GLRA3: variants seen among roughly 807,000 people sequenced by gnomAD.
GLRA3 encodes the protein glycine receptor alpha 3, also known as glycine receptor subunit alpha-3.
A neutral mutation model predicts 60.4 loss-of-function variants in GLRA3; 44 were observed. The ratio of observed to expected loss-of-function variants is 0.73; its 90% CI spans 0.57 to 0.94. The LOEUF is 0.94. Among genes scored for constraint, GLRA3 ranks in the 40% least tolerant of loss-of-function variants. The pLI, the probability that GLRA3 is intolerant of heterozygous loss-of-function variation, is 0.00. For synonymous variants in GLRA3, 223 were observed against 192.9 expected (o/e 1.16, Z -1.29); for missense variants, 508 against 564.6 (o/e 0.90, Z 1.02).
intron 3 of GLRA3, among the ~76,000 whole-genome samples, chr4:174,752,918 G>T (rs910379588): frequency 6.6e-6 from 1 of 152,068 alleles, no homozygotes; most frequent in Non-Finnish European, 1.5e-5. Context: ...AAAAGATGCT[G>T]CAGATTATAG....
intron 1 of GLRA3, among the ~76,000 whole-genome samples, chr4:174,827,717 T>C (rs868716218): frequency 6.6e-6 from 1 of 152,136 alleles, no homozygotes; most frequent in Middle Eastern, 3.6e-3. Context: ...GAAAATAATA[T>C]AACTTTCTAT....
At chr4:174,732,314 C>T (rs1736583449) in intron 3 of GLRA3, among the ~76,000 whole-genome samples, 1 of 151,532 alleles carries the variant, frequency 6.6e-6, no homozygotes, top group African/African-American at 2.4e-5. Flanking sequence ...GAGATCACGC[C>T]TCTGCACTCC....
At chr4:174,733,961 T>C (rs1736664999) in intron 3 of GLRA3, among the ~76,000 whole-genome samples, 1 of 152,202 alleles carries the variant, frequency 6.6e-6, no homozygotes, top group Non-Finnish European at 1.5e-5. Context: ...CTTTTTGAAC[T>C]GATTTGCATA....
intron 3 of GLRA3, among the ~76,000 whole-genome samples, chr4:174,753,641 T>C (rs996325704): frequency 3.3e-5 from 5 of 152,180 alleles, no homozygotes; most frequent in African/African-American, 1.2e-4. Context: ...ATCATTTCTA[T>C]GTTATGAGAG....
At chr4:174,702,797 G>T (rs1178142127) in intron 5 of GLRA3, among the ~76,000 whole-genome samples, 1 of 152,020 alleles carries the variant, frequency 6.6e-6, no homozygotes, top group South Asian at 2.1e-4. Context: ...CAAACTCCTG[G>T]CCTCAAGTGA....
intron 1 of GLRA3, among the ~76,000 whole-genome samples, chr4:174,790,549 T>C (rs532901121): frequency 3.7e-4 from 56 of 152,116 alleles, no homozygotes; most frequent in African/African-American, 1.2e-3. Context: ...CTGCTGCTTT[T>C]AAACCATTCT....
chr4:174,788,972 T>C (rs755989263), intron 1 of GLRA3, 29 bp from the exon 2 acceptor site: 1 of 1,460,090 alleles, frequency 6.8e-7, no homozygotes, highest in Middle Eastern at 1.8e-4. Flanking sequence ...ATATAGACTT[T>C]ACAAAAAGAA....
intron 2 of GLRA3, among the ~76,000 whole-genome samples, chr4:174,774,855 G>A (rs533008599): frequency 3.5e-4 from 54 of 152,200 alleles, no homozygotes; most frequent in Non-Finnish European, 6.8e-4. Context: ...TGTTATAATG[G>A]TTAGATTGTG....
chr4:174,769,537 C>T (rs1013262496), intron 2 of GLRA3, among the ~76,000 whole-genome samples: 2 of 152,050 alleles, frequency 1.3e-5, no homozygotes, highest in Non-Finnish European at 2.9e-5. Flanking sequence ...ATGTACAGAT[C>T]CATCAGGTTC....
chr4:174,738,645 T>A (rs1423306323), intron 3 of GLRA3, among the ~76,000 whole-genome samples: 3 of 152,250 alleles, frequency 2.0e-5, no homozygotes, highest in African/African-American at 7.2e-5. Flanking sequence ...TTCCACATTA[T>A]AGTTTTGATC....
At chr4:174,794,492 CAT>C (rs1382401592) in intron 1 of GLRA3, among the ~76,000 whole-genome samples, 1 of 152,126 alleles carries the variant, frequency 6.6e-6, no homozygotes, top group Non-Finnish European at 1.5e-5. Context: ...CACACACACA[CAT>C]ACACACCACA....
intron 1 of GLRA3, among the ~76,000 whole-genome samples, chr4:174,796,807 T>C (rs1207448433): frequency 6.6e-6 from 1 of 152,126 alleles, no homozygotes; most frequent in Non-Finnish European, 1.5e-5. Flanking sequence ...ATTGCTGGGA[T>C]TACAAGCATA....
rs759410433 is a variant in GLRA3, at chr4:174,728,596, C to T, written c.370G>A (p.Asp124Asn). ...AACAAATCAGGTTTCCAAATGGAGT[C>T]CAACATGGAGGGGTCGAGGTCTAAA... is the stretch of plus-strand genomic sequence containing the variant. ...DSLDLDPSML[D>N]SIWKPDLFFA... Residue 124 changes from aspartate (D) to asparagine (N), a missense_variant, in exon 4 of 10, where the codon GAC becomes AAC. By Grantham distance (23) the Asp-to-Asn change is conservative. Coordinates refer to ENST00000274093, the MANE Select transcript of GLRA3 (RefSeq NM_006529.4). 1.9e-6 allele frequency: 3 copies of T among 1,612,260 alleles called. No homozygotes were observed.
intron 6 of GLRA3, among the ~76,000 whole-genome samples, chr4:174,679,537 G>A (rs1265128435): frequency 6.6e-6 from 1 of 152,058 alleles, no homozygotes; most frequent in Non-Finnish European, 1.5e-5. Flanking sequence ...ATGGACTACG[G>A]GGTATATATC....
chr4:174,664,246 G>A (rs1170383059), intron 7 of GLRA3, among the ~76,000 whole-genome samples: 1 of 152,054 alleles, frequency 6.6e-6, no homozygotes, highest in Admixed American at 6.6e-5. Context: ...TATCCCTATG[G>A]ATTCAGTTCC....
At chr4:174,669,770 C>A (rs1328869341) in intron 7 of GLRA3, among the ~76,000 whole-genome samples, 1 of 152,000 alleles carries the variant, frequency 6.6e-6, no homozygotes, top group African/African-American at 2.4e-5. Context: ...AGACAAGAGT[C>A]TCACTATGTT....
chr4:174,690,136 A>G (rs1734738812), intron 5 of GLRA3, among the ~76,000 whole-genome samples: 1 of 152,198 alleles, frequency 6.6e-6, no homozygotes, highest in African/African-American at 2.4e-5. Context: ...TAAGTGGGAA[A>G]AAAATAATGT....
At chr4:174,787,112 A>G (rs1739154474) in intron 2 of GLRA3, among the ~76,000 whole-genome samples, 1 of 152,168 alleles carries the variant, frequency 6.6e-6, no homozygotes, top group African/African-American at 2.4e-5. Flanking sequence ...AAAAAAATAA[A>G]CTAACACTAA....
intron 5 of GLRA3, among the ~76,000 whole-genome samples, chr4:174,688,075 G>A (rs1318534858): frequency 1.3e-5 from 2 of 151,666 alleles, no homozygotes; most frequent in African/African-American, 4.8e-5. Flanking sequence ...TAACACTTCA[G>A]TAGATAATTT....
Sources: allele counts gnomAD v4.1 joint callset (sites outside exome capture counted in the v4.1 genomes callset), GRCh38; gene constraint gnomAD v4.1.1; transcripts MANE v1.5; gene names NCBI Gene and HGNC (gene_info 2026-07-23, HGNC 2026-07-21).